HTR4: variants seen among roughly 807,000 people sequenced by gnomAD.
HTR4 encodes 5-hydroxytryptamine receptor 4, also known as 5-hydroxytryptamine (serotonin) receptor 4, G protein-coupled.
HTR4 carries 16 observed loss-of-function variants against 36.8 expected under a neutral mutation model. That is an observed-to-expected ratio of 0.43 (90% CI 0.29 to 0.66). The LOEUF (loss-of-function observed/expected upper bound fraction) is 0.66. Among genes scored for constraint, HTR4 ranks in the 30% least tolerant of loss-of-function variants. HTR4 has a pLI of 0.13. For missense variants in HTR4, 438 were observed against 490.9 expected (o/e 0.89, Z 1.02); for synonymous variants, 189 against 185.1 (o/e 1.02, Z -0.17).
intron 6 of HTR4, among the ~76,000 whole-genome samples, chr5:148,507,791 T>C (rs1190567710): frequency 6.6e-6 from 1 of 152,160 alleles, no homozygotes; most frequent in Non-Finnish European, 1.5e-5. Context: ...ACAACTGACT[T>C]AGCAAATGTA....
At chr5:148,478,625 G>C (rs758392830), downstream of HTR4, among the ~76,000 whole-genome samples, 3 of 152,076 alleles carry the variant, frequency 2.0e-5, no homozygotes, top group Non-Finnish European at 2.9e-5. Context: ...TGGGCTTTAG[G>C]CTCCCAAGAA....
chr5:148,651,834 G>A (rs1468245819), intron 1 of HTR4, among the ~76,000 whole-genome samples: 1 of 151,946 alleles, frequency 6.6e-6, no homozygotes, highest in Admixed American at 6.6e-5. Flanking sequence ...ATATCAGAAG[G>A]TAATCATAAG....
At chr5:148,566,707 T>C (rs1042776970) in intron 2 of HTR4, among the ~76,000 whole-genome samples, 3 of 152,126 alleles carry the variant, frequency 2.0e-5, no homozygotes, top group Admixed American at 2.0e-4. Flanking sequence ...GTGATACACA[T>C]ACACATACAT....
intron 5 of HTR4, among the ~76,000 whole-genome samples, chr5:148,511,659 A>AT (rs1441290380): frequency 9.6e-6 from 1 of 104,500 alleles, no homozygotes; most frequent in East Asian, 3.6e-4. Context: ...GTGTGTGTGT[A>AT]TTTTCATCTC....
intron 4 of HTR4, among the ~76,000 whole-genome samples, chr5:148,531,007 C>T (rs1013984942): frequency 6.6e-6 from 1 of 152,182 alleles, no homozygotes; most frequent in African/African-American, 2.4e-5. Flanking sequence ...CCATATTTAC[C>T]CAATGCCTAT....
rs55734963 is a variant in HTR4 at position 148,483,523 on chromosome 5, T to A, written c.1077-230A>T. ...AGCCAAAATCGGTGTCCATATGGCT[T>A]CTACCTGATGGACCTATTACGCCTA... On this transcript the variant is annotated intron_variant, in intron 6 of 6. Coordinates refer to ENST00000377888, the MANE Select transcript of HTR4 (RefSeq NM_000870.7). Among the ~76,000 whole-genome samples the A allele has an allele frequency of 7.6e-3, 1,161 of 152,334 alleles. 4 individuals carry two copies. The highest frequency in any genetic ancestry group is 0.012 in the Non-Finnish European group (805 of 68,030).
At chr5:148,544,309 C>T (rs1759271582) in intron 4 of HTR4, among the ~76,000 whole-genome samples, 1 of 150,624 alleles carries the variant, frequency 6.6e-6, no homozygotes, top group Admixed American at 6.6e-5. Flanking sequence ...ACCTCTCTTT[C>T]TCTCTCTCTC....
At chr5:148,531,556 C>A (rs943319397) in intron 4 of HTR4, among the ~76,000 whole-genome samples, 3 of 152,242 alleles carry the variant, frequency 2.0e-5, no homozygotes, top group East Asian at 1.9e-4. Context: ...TATTTACCAG[C>A]AGTGTGAAAA....
exon 6 of HTR4, chr5:148,451,225 G>A (rs540745040): frequency 6.2e-7 from 1 of 1,613,868 alleles, no homozygotes; most frequent in Non-Finnish European, 8.5e-7. Flanking sequence ...ATTGTGTATG[G>A]GCAGTTTCTC....
intron 2 of HTR4, among the ~76,000 whole-genome samples, chr5:148,611,261 T>C (rs1461217396): frequency 1.3e-5 from 2 of 151,160 alleles, no homozygotes; most frequent in African/African-American, 2.4e-5. Context: ...GAAAAAATGT[T>C]AAGGGCAGCC....
At position 148,509,539 on chromosome 5, in the gene HTR4, A is replaced by G; in HGVS notation, c.993T>C (p.Asp331=). Reference sequence around the variant, plus strand: ...GAATGGAAGGTCTTCGGTAGCGCTCATCATCACAGCAGAGGATGATGAGGA... The same window carrying G: ...GAATGGAAGGTCTTCGGTAGCGCTCGTCATCACAGCAGAGGATGATGAGGA... The part of the protein sequence containing the change: ...RAFLIILCCD[D]ERYRRPSILG... The change falls in exon 6 of 7, where the codon GAT becomes GAC. Residue 331 remains aspartate (D), a synonymous_variant. Transcript: ENST00000377888. 1 of 1,614,090 alleles carries G rather than the reference A, an allele frequency of 6.2e-7. No homozygotes were observed. The highest frequency in any genetic ancestry group is 8.5e-7 in the Non-Finnish European group (1 of 1,179,988).
chr5:148,626,852 CAACT>C (rs1753127869), intron 2 of HTR4, among the ~76,000 whole-genome samples: 1 of 152,128 alleles, frequency 6.6e-6, no homozygotes, highest in African/African-American at 2.4e-5. Context: ...AAATATTTCC[CAACT>C]GAGATTCACA....
intron 2 of HTR4, among the ~76,000 whole-genome samples, chr5:148,567,953 A>G (rs765861758): frequency 2.5e-4 from 38 of 152,264 alleles, no homozygotes; most frequent in Non-Finnish European, 5.0e-4. Context: ...TTCTTGGCCC[A>G]TAATAGGTAC....
At chr5:148,618,412 T>C (rs1297227815) in intron 2 of HTR4, among the ~76,000 whole-genome samples, 1 of 152,216 alleles carries the variant, frequency 6.6e-6, no homozygotes, top group Non-Finnish European at 1.5e-5. Context: ...TTATGGACCG[T>C]ATCAACCAGC....
At chr5:148,557,334 G>A (rs758040066) in intron 2 of HTR4, among the ~76,000 whole-genome samples, 1 of 151,520 alleles carries the variant, frequency 6.6e-6, no homozygotes, top group African/African-American at 2.4e-5. Context: ...GATTCCATGA[G>A]TGAGTGGGAA....
intron 2 of HTR4, among the ~76,000 whole-genome samples, chr5:148,560,188 A>T (rs1581477193): frequency 7.6e-6 from 1 of 130,732 alleles, no homozygotes. Flanking sequence ...TTTCTTTTTT[A>T]CGGAAAGCTT....
chr5:148,560,773 A>G (rs1230252550), intron 2 of HTR4, among the ~76,000 whole-genome samples: 1 of 152,208 alleles, frequency 6.6e-6, no homozygotes. Flanking sequence ...TAAGTGGTGA[A>G]GCTGGGATTT....
intron 2 of HTR4, among the ~76,000 whole-genome samples, chr5:148,583,818 G>A (rs544958205): frequency 5.3e-5 from 8 of 152,034 alleles, no homozygotes; most frequent in South Asian, 4.2e-4. Flanking sequence ...GTCATTTTTC[G>A]GCTGCTTTTT....
chr5:148,628,857 G>C (rs1405521096), intron 2 of HTR4: 1 of 152,152 alleles, frequency 6.6e-6, no homozygotes, highest in Non-Finnish European at 1.5e-5. Context: ...ATCACAGCCT[G>C]TGCTTGCAAA....
Sources: gnomAD v4.1 joint callset for allele counts (sites outside exome capture counted in the v4.1 genomes callset) on GRCh38, gnomAD v4.1.1 for gene constraint, MANE v1.5 for transcripts, NCBI Gene and HGNC (gene_info 2026-07-23, HGNC 2026-07-21) for gene names.